ZFAND4: variants seen among roughly 807,000 people sequenced by gnomAD.
ZFAND4 encodes the protein AN1-type zinc finger protein 4.
ZFAND4 carries 43 observed loss-of-function variants against 64.4 expected under a neutral mutation model. The observed-to-expected ratio is 0.67, with a 90% CI of 0.52 to 0.86. ZFAND4 has a LOEUF of 0.86. ZFAND4 is among the 40% of genes least tolerant of loss of function. The pLI is 0.00. For missense variants in ZFAND4, 929 were observed against 859.8 expected (o/e 1.08, Z -1.01); for synonymous variants, 296 against 305.7 (o/e 0.97, Z 0.33).
intron 6 of ZFAND4, among the ~76,000 whole-genome samples, chr10:45,627,810 T>C (rs2045940673): frequency 6.6e-6 from 1 of 152,156 alleles, no homozygotes. Context: ...ACATATATTG[T>C]TACAACTCAC....
intron 8 of ZFAND4, among the ~76,000 whole-genome samples, chr10:45,620,430 G>A (rs1052226341): frequency 3.3e-5 from 5 of 152,128 alleles, no homozygotes; most frequent in African/African-American, 9.7e-5. Flanking sequence ...GCAGTGAGCC[G>A]AGATCGTGCC....
At chr10:45,636,897 T>C (rs1022595742) in intron 6 of ZFAND4, among the ~76,000 whole-genome samples, 2 of 152,096 alleles carry the variant, frequency 1.3e-5, no homozygotes, top group Admixed American at 6.6e-5. Context: ...TTCTTTGTAG[T>C]TTTTGCTTCA....
At chr10:45,651,743 C>G in intron 4 of ZFAND4, 1 of 603,464 alleles carries the variant, frequency 1.7e-6, no homozygotes, top group South Asian at 1.7e-5. Context: ...ATTTTTAAAC[C>G]TCTCTGAATT....
intron 6 of ZFAND4, among the ~76,000 whole-genome samples, chr10:45,636,004 A>C (rs2046572022): frequency 6.6e-6 from 1 of 152,198 alleles, no homozygotes; most frequent in Non-Finnish European, 1.5e-5. Context: ...AATATAGATC[A>C]AAATTTCTCT....
chr10:45,671,467 T>C (rs1205399257), intron 1 of ZFAND4, among the ~76,000 whole-genome samples: 1 of 152,102 alleles, frequency 6.6e-6, no homozygotes, highest in African/African-American at 2.4e-5. Flanking sequence ...TAAGAATATG[T>C]GGCACATATA....
chr10:45,642,468 G>T (rs1262342935), intron 5 of ZFAND4, among the ~76,000 whole-genome samples: 4 of 151,776 alleles, frequency 2.6e-5, no homozygotes, highest in African/African-American at 9.7e-5. Flanking sequence ...TTCGCCGGGC[G>T]TGGTGGCGGG....
In ZFAND4 at chr10:45,624,473, C is replaced by G. The variant is rs537937986; in HGVS notation, c.1927+110G>C. 17 of 903,478 alleles carry G rather than the reference C, an allele frequency of 1.9e-5. No homozygotes were observed. In the African/African-American group the frequency reaches 2.0e-4, roughly 11 times the overall value. 56.0% of individuals were successfully genotyped at this position (903,478 alleles called of 1,614,324 possible). A position where few individuals can be genotyped will look rare whatever the true frequency, so the allele number is the denominator to read the frequency against. Reference sequence around the variant, plus strand: ...AAAGCATTTAGAGACAGAATTTACTCTGTACATGCCACAGAGAAGGTTCTT... The same window carrying G: ...AAAGCATTTAGAGACAGAATTTACTGTGTACATGCCACAGAGAAGGTTCTT... On this transcript the variant is annotated intron_variant, in intron 8 of 9. Coordinates refer to ENST00000344646, the MANE Select transcript of ZFAND4 (RefSeq NM_174890.4).
At chr10:45,649,628 T>C (rs2047627250) in intron 4 of ZFAND4, 1 of 152,238 alleles carries the variant, frequency 6.6e-6, no homozygotes, top group Non-Finnish European at 1.5e-5. Flanking sequence ...TCTTATAATA[T>C]GGTTTAGCTT....
intron 6 of ZFAND4, among the ~76,000 whole-genome samples, chr10:45,627,491 TA>T (rs745597336): frequency 5.2e-3 from 666 of 129,054 alleles, no homozygotes; most frequent in Non-Finnish European, 4.7e-3. Flanking sequence ...TTATCAATCC[TA>T]AAAAAAAAAA....
Position 45,616,543 on chromosome 10 carries a change from G to T in ZFAND4, c.2077C>A (p.Arg693Ser). Reference sequence around the variant, plus strand: ...GTACAGCCATGAGTTTCTGCATAACGATGAGATGCACAGAAGTTGTTTCCA... The same window carrying T: ...GTACAGCCATGAGTTTCTGCATAACTATGAGATGCACAGAAGTTGTTTCCA... ...RCGNNFCASH[R>S]YAETHGCTYD... The change falls in exon 10 of 10, where the codon CGT (arginine) becomes AGT (serine). Residue 693 changes from arginine (R) to serine (S), a missense_variant. Physicochemically the swap from Arg to Ser is moderately radical, Grantham distance 110. Coordinates refer to ENST00000344646, the MANE Select transcript of ZFAND4 (RefSeq NM_174890.4). The T allele has an allele frequency of 6.2e-7, 1 of 1,614,078 alleles. No homozygotes were observed. Among genetic ancestry groups the T allele is most frequent in the Non-Finnish European group, 8.5e-7 (1 of 1,179,984 alleles).
At chr10:45,634,941 C>T (rs10900230) in intron 6 of ZFAND4, among the ~76,000 whole-genome samples, 35,482 of 151,516 alleles carry the variant, frequency 0.23, 4,620 homozygotes, top group Admixed American at 0.3. Context: ...TAGGAATAAA[C>T]TTATCTAAAA....
chr10:45,670,146 C>G (rs775227084), intron 1 of ZFAND4, among the ~76,000 whole-genome samples: 1 of 152,004 alleles, frequency 6.6e-6, no homozygotes, highest in Non-Finnish European at 1.5e-5. Context: ...CGTCCCAACC[C>G]AAAATCTCCT....
At chr10:45,659,351 T>C (rs2048328207) in intron 2 of ZFAND4, among the ~76,000 whole-genome samples, 1 of 152,160 alleles carries the variant, frequency 6.6e-6, no homozygotes, top group African/African-American at 2.4e-5. Context: ...CGGAAAGAAT[T>C]GTAAGACGCA....
At chr10:45,665,106 A>C (rs1004701884) in intron 1 of ZFAND4, among the ~76,000 whole-genome samples, 9 of 152,236 alleles carry the variant, frequency 5.9e-5, no homozygotes, top group Non-Finnish European at 1.3e-4. Context: ...ACTAAATGAC[A>C]AGTATAGAAC....
chr10:45,625,826 CA>C (rs1301126225), intron 7 of ZFAND4, 124 bp downstream of exon 7: 15 of 961,714 alleles, frequency 1.6e-5, no homozygotes, highest in Non-Finnish European at 2.3e-5. Flanking sequence ...TAAACATTTT[CA>C]GATAAATTTA....
intron 3 of ZFAND4, 63 bp from the exon 4 acceptor site, chr10:45,652,096 A>G (rs1216233556): frequency 6.5e-7 from 1 of 1,532,082 alleles, no homozygotes; most frequent in East Asian, 2.3e-5. Flanking sequence ...AAATGTACAC[A>G]TAATTATGTG....
chr10:45,622,274 TA>T (rs1254723465), intron 8 of ZFAND4, among the ~76,000 whole-genome samples: 1 of 152,132 alleles, frequency 6.6e-6, no homozygotes, highest in Admixed American at 6.6e-5. Context: ...CAAAAGTTAA[TA>T]AGAAAATGGG....
chr10:45,635,544 T>C (rs1280485403), intron 6 of ZFAND4, among the ~76,000 whole-genome samples: 1 of 152,140 alleles, frequency 6.6e-6, no homozygotes, highest in Non-Finnish European at 1.5e-5. Flanking sequence ...GACTTAACTC[T>C]AAGATCTGAA....
Position 45,648,305 on chromosome 10 carries a change from T to G in ZFAND4, c.558A>C (p.Glu186Asp). 1 of 1,609,588 alleles carries G rather than the reference T, an allele frequency of 6.2e-7. No homozygotes were observed. Among genetic ancestry groups the G allele is most frequent in the Non-Finnish European group, 8.5e-7 (1 of 1,177,976 alleles). Residue 186 changes from glutamate to aspartate, a missense_variant, in exon 5 of 10, where the codon GAA becomes GAC. Physicochemically the swap from Glu to Asp is conservative, Grantham distance 45. Coordinates refer to ENST00000344646, the MANE Select transcript of ZFAND4 (RefSeq NM_174890.4). ...AGTTTATGGAGTACCTCATACGATG[T>G]TCTCCTTTTCTCCGTAGGACATGCA... is the stretch of plus-strand genomic sequence containing the variant. Reference protein sequence around the residue: ...FHLHVLRRKGEHRMSGGSMYN... With the variant: ...FHLHVLRRKGDHRMSGGSMYN...
Sources: gnomAD v4.1 joint callset for allele counts (sites outside exome capture counted in the v4.1 genomes callset) on GRCh38, gnomAD v4.1.1 for gene constraint, MANE v1.5 for transcripts, NCBI Gene and HGNC (gene_info 2026-07-23, HGNC 2026-07-21) for gene names.